Variants in CHRM3 observed in about 807,000 individuals in gnomAD.
The protein encoded by CHRM3 is cholinergic receptor muscarinic 3.
A neutral mutation model predicts 41.8 loss-of-function variants in CHRM3; 11 were observed. That is an observed-to-expected ratio of 0.26 (90% CI 0.17 to 0.44). CHRM3 has a LOEUF of 0.44. CHRM3 is among the 20% of genes least tolerant of loss of function. The pLI, the probability that CHRM3 is intolerant of heterozygous loss-of-function variation, is 1.00. For missense variants in CHRM3, 571 were observed against 745.4 expected (o/e 0.77, Z 2.72); for synonymous variants, 297 against 301.4 (o/e 0.99, Z 0.15).
At chr1:239,874,472 A>G (rs931046526) in intron 6 of CHRM3, among the ~76,000 whole-genome samples, 2 of 151,200 alleles carry the variant, frequency 1.3e-5, no homozygotes, top group Non-Finnish European at 2.9e-5. Flanking sequence ...TCATAATCAC[A>G]GGTTCCATGG....
At chr1:239,635,519 C>T (rs551056781) in intron 4 of CHRM3, among the ~76,000 whole-genome samples, 1 of 152,332 alleles carries the variant, frequency 6.6e-6, no homozygotes, top group Admixed American at 6.5e-5. Context: ...AGTCAAATCT[C>T]AACTGCCAAG....
At chr1:239,750,027 A>G (rs1219700897) in intron 5 of CHRM3, among the ~76,000 whole-genome samples, 7 of 152,228 alleles carry the variant, frequency 4.6e-5, no homozygotes, top group Non-Finnish European at 8.8e-5. Flanking sequence ...ATGTTCATTA[A>G]TTGGTAACAT....
At chr1:239,498,464 A>G (rs1336832559) in intron 2 of CHRM3, among the ~76,000 whole-genome samples, 2 of 152,188 alleles carry the variant, frequency 1.3e-5, no homozygotes, top group Non-Finnish European at 2.9e-5. Context: ...AAATTTCTGG[A>G]TAATGAATCC....
chr1:239,650,876 C>A (rs188092886), intron 4 of CHRM3, among the ~76,000 whole-genome samples: 5 of 152,034 alleles, frequency 3.3e-5, no homozygotes, highest in Non-Finnish European at 7.4e-5. Context: ...ATATAAAATA[C>A]GGTGTTTTGT....
At chr1:239,482,673 A>G (rs1335434289) in intron 1 of CHRM3, among the ~76,000 whole-genome samples, 1 of 152,006 alleles carries the variant, frequency 6.6e-6, no homozygotes, top group Non-Finnish European at 1.5e-5. Context: ...CTCTCATTAC[A>G]CTGAATTGCA....
intron 2 of CHRM3, among the ~76,000 whole-genome samples, chr1:239,500,085 A>T (rs961745886): frequency 6.6e-6 from 1 of 150,564 alleles, no homozygotes; most frequent in Non-Finnish European, 1.5e-5. Flanking sequence ...TTATTTTGAG[A>T]TACATCCCAT....
chr1:239,460,903 T>C (rs1416471113), intron 1 of CHRM3, among the ~76,000 whole-genome samples: 3 of 152,334 alleles, frequency 2.0e-5, no homozygotes, highest in East Asian at 3.9e-4. Context: ...GAAACTTCCA[T>C]AGTTCCTCAT....
chr1:239,678,105 T>C (rs963220748), intron 4 of CHRM3, 81 bp from the exon 5 acceptor site: 1 of 152,252 alleles, frequency 6.6e-6, no homozygotes, highest in Non-Finnish European at 1.5e-5. Flanking sequence ...ATATTCCATC[T>C]CACAATTCAG....
At chr1:239,817,189 C>G (rs181822974) in intron 5 of CHRM3, among the ~76,000 whole-genome samples, 1 of 152,134 alleles carries the variant, frequency 6.6e-6, no homozygotes, top group South Asian at 2.1e-4. Context: ...CCTCTTATAC[C>G]ATTGCCCTGT....
At chr1:239,448,191 CATG>C (rs1330605074) in intron 1 of CHRM3, among the ~76,000 whole-genome samples, 3 of 152,282 alleles carry the variant, frequency 2.0e-5, no homozygotes, top group East Asian at 1.9e-4. Context: ...ATAGTGATAA[CATG>C]ATAACAATGG....
At chr1:239,715,262 T>C (rs1662224179) in intron 5 of CHRM3, among the ~76,000 whole-genome samples, 1 of 152,150 alleles carries the variant, frequency 6.6e-6, no homozygotes, top group Non-Finnish European at 1.5e-5. Flanking sequence ...ATATTTTAAG[T>C]AGTTAGAACA....
intron 5 of CHRM3, among the ~76,000 whole-genome samples, chr1:239,722,037 A>G (rs1189323152): frequency 1.3e-5 from 2 of 151,924 alleles, no homozygotes; most frequent in African/African-American, 2.4e-5. Flanking sequence ...TAATTTGCCA[A>G]TTCACATTCA....
intron 6 of CHRM3, among the ~76,000 whole-genome samples, chr1:239,842,506 A>G (rs551743002): frequency 2.6e-5 from 4 of 152,174 alleles, no homozygotes; most frequent in Admixed American, 2.6e-4. Context: ...AAGTGTTGGG[A>G]TTACAGGAGT....
chr1:239,415,896 G>T (rs1661461464), intron 1 of CHRM3, among the ~76,000 whole-genome samples: 1 of 152,156 alleles, frequency 6.6e-6, no homozygotes, highest in African/African-American at 2.4e-5. Context: ...TATAAAATAT[G>T]ACAGGCAGAA....
Position 239,386,767 on chromosome 1 carries a change from G to A in CHRM3, c.-981G>A, listed in dbSNP as rs78833580. ...GGAATACACGATAAAGAAGGAGACGGAAAGAAGAGAAAAAGTGAGGCGGGA... is the reference window on the plus strand; with the variant it reads ...GGAATACACGATAAAGAAGGAGACGAAAAGAAGAGAAAAAGTGAGGCGGGA... On this transcript the variant is annotated 5_prime_UTR_variant, in exon 1 of 7. Coordinates refer to ENST00000676153, the MANE Select transcript of CHRM3 (RefSeq NM_001375978.1). 109 of 152,872 alleles carry A rather than the reference G, an allele frequency of 7.1e-4. 1 individual carries two copies. The East Asian group carries it at 7.9e-3, about 11-fold the overall frequency. The allele number at this position is 152,872 out of a possible 1,614,324, so 9.5% of individuals were successfully genotyped here. A position where few individuals can be genotyped will look rare whatever the true frequency, so the allele number is the denominator to read the frequency against.
At chr1:239,792,933 T>A (rs888279217) in intron 5 of CHRM3, among the ~76,000 whole-genome samples, 1 of 151,984 alleles carries the variant, frequency 6.6e-6, no homozygotes, top group African/African-American at 2.4e-5. Flanking sequence ...TAGAAAATGA[T>A]CATCTTTTAT....
Position 239,466,353 on chromosome 1 carries a change from AT to A in CHRM3, c.-520-26349del, listed in dbSNP as rs560693169. 2.8e-3 allele frequency among the ~76,000 whole-genome samples: 427 copies of A among 152,058 alleles called. 1 individual carries two copies. The highest frequency in any genetic ancestry group is 9.8e-3 in the African/African-American group (405 of 41,472). ...TTTTTCTTATGATTTCCTTAGTAAC[AT>A]TTTTTTCTCTATCTTAACTTACTGT... On this transcript the variant is annotated intron_variant, in intron 1 of 6. Coordinates refer to ENST00000676153, the MANE Select transcript of CHRM3 (RefSeq NM_001375978.1).
At chr1:239,830,754 C>T (rs1672832280) in intron 6 of CHRM3, among the ~76,000 whole-genome samples, 1 of 152,160 alleles carries the variant, frequency 6.6e-6, no homozygotes, top group African/African-American at 2.4e-5. Context: ...TTAATGGTGA[C>T]ATTTTCCCTG....
intron 5 of CHRM3, among the ~76,000 whole-genome samples, chr1:239,711,375 G>T (rs1480006540): frequency 6.6e-6 from 1 of 151,918 alleles, no homozygotes; most frequent in Non-Finnish European, 1.5e-5. Flanking sequence ...CCCAGTGTCT[G>T]CACTCCTCTT....
Sources: allele counts gnomAD v4.1 joint callset (sites outside exome capture counted in the v4.1 genomes callset), GRCh38; gene constraint gnomAD v4.1.1; transcripts MANE v1.5; gene names NCBI Gene and HGNC (gene_info 2026-07-23, HGNC 2026-07-21).